The following LRRC49 variants were observed in gnomAD, a reference collection of about 807,000 sequenced individuals.
LRRC49 encodes leucine-rich repeat-containing protein 49.
In LRRC49, 50 loss-of-function variants were observed where a neutral mutation model predicts 83.3. The observed-to-expected ratio is 0.60, with a 90% confidence interval of 0.48 to 0.76. The LOEUF (loss-of-function observed/expected upper bound fraction) is 0.76. Among genes scored for constraint, LRRC49 ranks in the 30% least tolerant of loss-of-function variants. The pLI is 0.00. For missense variants in LRRC49, 704 were observed against 809.1 expected (o/e 0.87, Z 1.58); for synonymous variants, 286 against 283.3 (o/e 1.01, Z -0.10).
chr15:70,955,695 A>G (rs1459626342), intron 8 of LRRC49, among the ~76,000 whole-genome samples: 1 of 152,098 alleles, frequency 6.6e-6, no homozygotes, highest in Non-Finnish European at 1.5e-5. Flanking sequence ...CTTGGTTCCT[A>G]CGTTTATTTA....
At chr15:71,012,711 T>C in intron 13 of LRRC49, 93 bp from the exon 14 acceptor site, 1 of 699,624 alleles carries the variant, frequency 1.4e-6, no homozygotes, top group South Asian at 1.8e-5. Context: ...TAAAAGATAA[T>C]ATTTAATTTG....
intron 2 of LRRC49, among the ~76,000 whole-genome samples, chr15:70,887,401 A>G (rs1390785322): frequency 6.6e-6 from 1 of 152,156 alleles, no homozygotes; most frequent in Admixed American, 6.5e-5. Flanking sequence ...ATTAAGCAAT[A>G]TGAGAAAGGA....
chr15:71,022,529 G>A (rs921157433), intron 14 of LRRC49, among the ~76,000 whole-genome samples: 22 of 152,070 alleles, frequency 1.4e-4, no homozygotes, highest in African/African-American at 3.1e-4. Flanking sequence ...AATACTTACC[G>A]AAATAAAAAT....
chr15:70,900,882 G>T (rs780933515), intron 3 of LRRC49, 40 bp from the exon 4 acceptor site: 30 of 1,269,302 alleles, frequency 2.4e-5, no homozygotes, highest in East Asian at 1.2e-4. Flanking sequence ...GACTTCGAAG[G>T]TTTTTCTTAA....
At chr15:70,989,167 A>T (rs929889485) in intron 11 of LRRC49, among the ~76,000 whole-genome samples, 44 of 152,156 alleles carry the variant, frequency 2.9e-4, no homozygotes, top group African/African-American at 1.0e-3. Flanking sequence ...GTATTTCCTG[A>T]ATCTGAATGT....
intron 1 of LRRC49, among the ~76,000 whole-genome samples, chr15:70,856,380 G>A (rs1396899653): frequency 2.0e-5 from 3 of 152,090 alleles, no homozygotes; most frequent in South Asian, 2.1e-4. Context: ...CATCCAGCTC[G>A]GAGCTGCTCC....
chr15:70,892,346 C>A (rs765345596), upstream of LRRC49: 1 of 1,548,654 alleles, frequency 6.5e-7, no homozygotes, highest in African/African-American at 1.4e-5. Flanking sequence ...GCAGCGGCCT[C>A]GGCGAGGCAA....
At chr15:70,912,929 G>A (rs1015197504) in intron 6 of LRRC49, among the ~76,000 whole-genome samples, 42 of 152,078 alleles carry the variant, frequency 2.8e-4, no homozygotes, top group Non-Finnish European at 5.1e-4. Context: ...CACCTGCCTC[G>A]GCCTCCCAAA....
At chr15:70,865,742 T>G (rs1411289958) in intron 1 of LRRC49, among the ~76,000 whole-genome samples, 2 of 152,158 alleles carry the variant, frequency 1.3e-5, no homozygotes, top group Non-Finnish European at 2.9e-5. Context: ...ACCTGTCTGG[T>G]TTTTTGAGGA....
intron 11 of LRRC49, among the ~76,000 whole-genome samples, chr15:70,985,078 C>T (rs1170800525): frequency 2.8e-5 from 4 of 141,184 alleles, no homozygotes; most frequent in African/African-American, 1.1e-4. Flanking sequence ...TGAATAGTGC[C>T]GCAATAAACA....
In LRRC49 at chr15:71,052,397, T is replaced by G. The variant is rs1316267279; in HGVS notation, c.*2785T>G. ...ACAGCAGCTGGATGGTGAAGTGTGC[T>G]GCTACACCTGAGGATGGTTACCAAG... On this transcript the variant is annotated 3_prime_UTR_variant, in exon 16 of 16. Coordinates refer to ENST00000260382, the MANE Select transcript of LRRC49 (RefSeq NM_017691.5). 1 of 152,246 alleles carries G rather than the reference T, an allele frequency of 6.6e-6. No homozygotes were observed. The highest frequency in any genetic ancestry group is 1.5e-5 in the Non-Finnish European group (1 of 68,060). The allele number at this position is 152,246 out of a possible 1,614,324, so 9.4% of individuals were successfully genotyped here.
chr15:70,901,233 A>C (rs1427070433), intron 4 of LRRC49, among the ~76,000 whole-genome samples: 1 of 152,154 alleles, frequency 6.6e-6, no homozygotes, highest in Admixed American at 6.6e-5. Context: ...AAAGAGCTTG[A>C]CTATACTTCA....
intron 1 of LRRC49, among the ~76,000 whole-genome samples, chr15:70,872,202 C>T (rs1006453818): frequency 3.3e-5 from 5 of 152,204 alleles, no homozygotes; most frequent in Non-Finnish European, 7.3e-5. Context: ...GAGACCAGCC[C>T]GGCCAACACG....
chr15:70,966,568 A>T (rs1596076345), intron 9 of LRRC49, among the ~76,000 whole-genome samples: 2 of 152,220 alleles, frequency 1.3e-5, no homozygotes, highest in Non-Finnish European at 2.9e-5. Flanking sequence ...TACACATTCC[A>T]TTGATAAGTA....
upstream of LRRC49, among the ~76,000 whole-genome samples, chr15:70,889,568 A>G (rs2033500245): frequency 1.3e-5 from 2 of 152,238 alleles, no homozygotes; most frequent in South Asian, 4.1e-4. Flanking sequence ...CAAGTCAACA[A>G]TTTAAAAAAT....
intron 11 of LRRC49, among the ~76,000 whole-genome samples, chr15:71,005,779 A>G (rs8042724): frequency 0.064 from 9,761 of 152,264 alleles, 387 homozygotes; most frequent in South Asian, 0.17. Context: ...AGAAAGAAAG[A>G]ATTAATTAGT....
At chr15:70,883,748 G>A (rs1235689884) in intron 2 of LRRC49, among the ~76,000 whole-genome samples, 1 of 150,650 alleles carries the variant, frequency 6.6e-6, no homozygotes, top group Non-Finnish European at 1.5e-5. Flanking sequence ...TCCACCTCCC[G>A]GGTTCAAGCA....
Position 71,051,687 on chromosome 15 carries a change from C to T in LRRC49, c.*2075C>T, listed in dbSNP as rs2039996735. The T allele has an allele frequency of 6.6e-6, 1 of 152,326 alleles. No homozygotes were observed. The highest frequency in any genetic ancestry group is 1.5e-5 in the Non-Finnish European group (1 of 68,160). 9.4% of individuals were successfully genotyped at this position (152,326 alleles called of 1,614,324 possible). On this transcript the variant is annotated 3_prime_UTR_variant, in exon 16 of 16. Transcript: ENST00000260382. ...CCTGCATGTCTGTTCTCCCCTAACCCTCCCATCCCTGCTGCTAAAGAGACT... is the reference window on the plus strand; with the variant it reads ...CCTGCATGTCTGTTCTCCCCTAACCTTCCCATCCCTGCTGCTAAAGAGACT...
intron 14 of LRRC49, among the ~76,000 whole-genome samples, chr15:71,013,261 C>T (rs1229994628): frequency 6.6e-6 from 1 of 152,050 alleles, no homozygotes; most frequent in Non-Finnish European, 1.5e-5. Context: ...TAGGAGTTTT[C>T]AGGTAGAGGA....
Sources: allele counts gnomAD v4.1 joint callset (sites outside exome capture counted in the v4.1 genomes callset), GRCh38; gene constraint gnomAD v4.1.1; transcripts MANE v1.5; gene names NCBI Gene and HGNC (gene_info 2026-07-23, HGNC 2026-07-21).